The following CADPS variants were observed in gnomAD, a reference collection of about 807,000 sequenced individuals.
The protein encoded by CADPS is calcium-dependent secretion activator 1.
In CADPS, 57 loss-of-function variants were observed where a neutral mutation model predicts 167.3. The ratio of observed to expected loss-of-function variants is 0.34; its 90% confidence interval spans 0.28 to 0.42. The LOEUF (loss-of-function observed/expected upper bound fraction) is 0.42. Among genes scored for constraint, CADPS ranks in the 20% least tolerant of loss-of-function variants. The probability of loss-of-function intolerance (pLI) is 1.00; values close to 1 mark genes in which losing one functional copy is unlikely to be tolerated. For missense variants in CADPS, 1,414 were observed against 1,738.1 expected, an observed-to-expected ratio of 0.81 and a Z score of 3.32; for synonymous variants, 676 against 635.3, an observed-to-expected ratio of 1.06 and a Z score of -0.96.
chr3:62,814,583 T>G (rs1171764328), intron 1 of CADPS: 1 of 152,190 alleles, frequency 6.6e-6, no homozygotes, highest in African/African-American at 2.4e-5. Context: ...CATCTTGGTA[T>G]GGGTTTATAA....
chr3:62,655,750 G>A (rs968828918), intron 4 of CADPS, among the ~76,000 whole-genome samples: 4 of 152,066 alleles, frequency 2.6e-5, no homozygotes, highest in Admixed American at 6.6e-5. Flanking sequence ...CAGAAGGGCC[G>A]GTGCTAGACA....
intron 28 of CADPS, among the ~76,000 whole-genome samples, chr3:62,423,096 G>A (rs1333577719): frequency 6.6e-6 from 1 of 152,198 alleles, no homozygotes. Flanking sequence ...GGATTTTGAA[G>A]CATATATGGT....
rs2059885290 is a variant in CADPS at position 62,601,042 on chromosome 3, T to A, written c.1326-8294A>T. On this transcript the variant is annotated intron_variant, in intron 6 of 29. Coordinates refer to ENST00000383710, the MANE Select transcript of CADPS (RefSeq NM_003716.4). This position sits in a 1 kb window ranked among gnomAD's most constrained non-coding sequence, Gnocchi z 4.3. The stretch of plus-strand genomic sequence containing the variant: ...ATTGGATATGTGGTGTTTACCTCAA[T>A]ACGTGGCACATAGAAAGCACTAAAA... Among the ~76,000 whole-genome samples the A allele has an allele frequency of 6.6e-6, 1 of 152,166 alleles. No homozygotes were observed. Among genetic ancestry groups the A allele is most frequent in the Non-Finnish European group, 1.5e-5 (1 of 68,032 alleles).
chr3:62,497,511 A>C (rs1441864351), intron 18 of CADPS, among the ~76,000 whole-genome samples: 16 of 152,184 alleles, frequency 1.1e-4, no homozygotes, highest in Admixed American at 1.0e-3. Context: ...ATCTGAAAAG[A>C]ACATCCTATA....
chr3:62,591,414 T>A (rs1316332974), intron 7 of CADPS, among the ~76,000 whole-genome samples: 1 of 152,194 alleles, frequency 6.6e-6, no homozygotes, highest in East Asian at 1.9e-4. Context: ...ATGCAGAGAA[T>A]GCATTTATGC....
At chr3:62,630,729 G>T (rs2065118285) in intron 6 of CADPS, among the ~76,000 whole-genome samples, 1 of 152,086 alleles carries the variant, frequency 6.6e-6, no homozygotes. Context: ...TACAGAGAGA[G>T]TATGTACCTG....
chr3:62,562,102 C>G (rs1260007270), intron 9 of CADPS, among the ~76,000 whole-genome samples: 2 of 152,134 alleles, frequency 1.3e-5, no homozygotes, highest in Non-Finnish European at 2.9e-5. Flanking sequence ...GTATATGGTA[C>G]TGTAAGAGCT....
chr3:62,705,608 A>T (rs530965809), intron 3 of CADPS, among the ~76,000 whole-genome samples: 26 of 152,200 alleles, frequency 1.7e-4, no homozygotes, highest in Admixed American at 6.5e-5. Flanking sequence ...AGAACATAGA[A>T]AAACTAGACT....
At chr3:62,813,278 T>C (rs2152882512) in intron 1 of CADPS, among the ~76,000 whole-genome samples, 1 of 151,788 alleles carries the variant, frequency 6.6e-6, no homozygotes, top group East Asian at 1.9e-4. Flanking sequence ...CATAATCCAG[T>C]AGAACAGAAT....
At chr3:62,859,601 A>C (rs1057047382) in intron 1 of CADPS, among the ~76,000 whole-genome samples, 1 of 152,222 alleles carries the variant, frequency 6.6e-6, no homozygotes, top group East Asian at 1.9e-4. Flanking sequence ...TATACTGCTG[A>C]ATCATAATAA....
chr3:62,550,846 T>A, intron 10 of CADPS: 7 of 456,720 alleles, frequency 1.5e-5, no homozygotes, highest in South Asian at 9.3e-5. Context: ...CCCACCCACC[T>A]ATCAGCAGCA....
chr3:62,494,684 T>C (rs2064346673), intron 18 of CADPS, among the ~76,000 whole-genome samples: 1 of 150,796 alleles, frequency 6.6e-6, no homozygotes, highest in Non-Finnish European at 1.5e-5. Context: ...TTTTTTTTTT[T>C]TGGACGGAGT....
intron 6 of CADPS, among the ~76,000 whole-genome samples, chr3:62,627,779 C>T (rs1210218259): frequency 1.3e-5 from 2 of 151,950 alleles, no homozygotes; most frequent in Non-Finnish European, 2.9e-5. Context: ...GCCTTTGTTC[C>T]CCTCCCTCCC....
intron 3 of CADPS, among the ~76,000 whole-genome samples, chr3:62,734,372 C>G (rs569079): frequency 0.66 from 100,910 of 151,980 alleles, 35,649 homozygotes; most frequent in African/African-American, 0.92. Flanking sequence ...CTGAGGTAGT[C>G]GCTACCATTT....
chr3:62,447,580 G>T (rs568148468), intron 26 of CADPS, among the ~76,000 whole-genome samples: 39 of 152,286 alleles, frequency 2.6e-4, no homozygotes, highest in Admixed American at 2.2e-3. Context: ...TTTATAGAGG[G>T]AAGCAATGAG....
chr3:62,399,509 T>C lies in CADPS; in HGVS notation c.3959A>G (p.Asn1320Ser). ...TGTGGCTTCCTCCACAGTGAGACGGTTCCGGATCGTTTCATAGGTCTTGCT... is the reference window on the plus strand; with the variant it reads ...TGTGGCTTCCTCCACAGTGAGACGGCTCCGGATCGTTTCATAGGTCTTGCT... ...LNSKTYETIR[N>S]RLTVEEATAS... The change falls in exon 30 of 30, where the codon AAC (asparagine) becomes AGC (serine). Residue 1320 changes from asparagine (N) to serine (S), a missense_variant. By Grantham distance (46) the Asn-to-Ser change is conservative. This residue lies in a region of CADPS where 185 missense variants were observed against 251.5 expected (regional missense o/e 0.74). Coordinates refer to ENST00000383710, the MANE Select transcript of CADPS (RefSeq NM_003716.4). The surrounding 1 kb of genome is among the most constrained non-coding windows in gnomAD (Gnocchi z 5.6). 6 of 1,614,116 alleles carry C rather than the reference T, an allele frequency of 3.7e-6. No homozygotes were observed. The highest frequency in any genetic ancestry group is 5.1e-6 in the Non-Finnish European group (6 of 1,179,986).
At chr3:62,743,179 A>G (rs925390416) in intron 3 of CADPS, among the ~76,000 whole-genome samples, 5 of 152,122 alleles carry the variant, frequency 3.3e-5, no homozygotes, top group African/African-American at 1.2e-4. Context: ...AAAAGGTAAC[A>G]TCTTACATCC....
At chr3:62,847,107 C>T (rs1330104534) in intron 1 of CADPS, among the ~76,000 whole-genome samples, 2 of 152,110 alleles carry the variant, frequency 1.3e-5, no homozygotes, top group Admixed American at 6.5e-5. Context: ...TTCTAGTAGC[C>T]TCCTAAGTCC....
At position 62,425,236 on chromosome 3, in the gene CADPS, T is replaced by C. The variant is rs77715281; in HGVS notation, c.3777+12868A>G. On this transcript the variant is annotated intron_variant, in intron 28 of 29. Coordinates refer to ENST00000383710, the MANE Select transcript of CADPS (RefSeq NM_003716.4). ...TCAGGGTTCAGCCACCTCAGCACTA[T>C]TGACATTTTTGCAGATAATTATTTG... Among the ~76,000 whole-genome samples, 693 of 152,352 alleles carry C rather than the reference T, an allele frequency of 4.5e-3. 2 individuals are homozygous for C. The highest frequency in any genetic ancestry group is 7.4e-3 in the Non-Finnish European group (503 of 68,028).
Sources: gnomAD v4.1 joint callset for allele counts (sites outside exome capture counted in the v4.1 genomes callset) on GRCh38, gnomAD v4.1.1 for gene constraint, gnomAD v4.1.1 regional missense constraint, Gnocchi (gnomAD v3.1) non-coding constraint, MANE v1.5 for transcripts, NCBI Gene and HGNC (gene_info 2026-07-23, HGNC 2026-07-21) for gene names.